The following DNAH17 variants were observed in gnomAD, a reference collection of about 807,000 sequenced individuals.
The protein encoded by DNAH17 is axonemal beta dynein heavy chain 17.
In DNAH17, 376 loss-of-function variants were observed where a neutral mutation model predicts 485.6. That is an observed-to-expected ratio of 0.77 (90% CI 0.71 to 0.84). The LOEUF is 0.84. DNAH17 is among the 40% of genes least tolerant of loss of function. The pLI is 0.00. For synonymous variants in DNAH17, 3,031 were observed against 2,405.9 expected (o/e 1.26, Z -7.60); for missense variants, 6,370 against 5,839.3 (o/e 1.09, Z -2.96).
Position 78,566,681 on chromosome 17 carries a change from T to A in DNAH17, c.1502A>T (p.Asp501Val). 2 of 1,610,766 alleles carry A rather than the reference T, an allele frequency of 1.2e-6. No homozygotes were observed. The highest frequency in any genetic ancestry group is 1.7e-6 in the Non-Finnish European group (2 of 1,178,574). The change falls in exon 11 of 81, where the codon GAT becomes GTT. Residue 501 changes from aspartate to valine, a missense_variant. Physicochemically the swap from Asp to Val is radical, Grantham distance 152. Transcript: ENST00000389840. ...GCAAAAGATCGTGGCCAGCCTCCTA[T>A]CCAGGTCTTGGATTTTGATCTCAAA... is the stretch of plus-strand genomic sequence containing the variant. The part of the protein sequence containing the change: ...ADFEIKIQDL[D>V]RRLATIFCQG...
rs1275902574 is a variant in DNAH17, at chr17:78,571,611, G to A, written c.711C>T (p.Asn237=). The change falls in exon 4 of 81, where the codon AAC becomes AAT. Residue 237 remains asparagine (N), a synonymous_variant. Coordinates refer to ENST00000389840, the MANE Select transcript of DNAH17 (RefSeq NM_173628.4). ...GTACCTGTTCATGGATGCACTTGAG[G>A]TTCAGCAGCCGAGTGTCCCAGAACT... ...EFEFWDTRLL[N]LKCIHEQLNR... The A allele has an allele frequency of 1.2e-6, 2 of 1,613,964 alleles. No individual in the cohort carries two copies. The highest frequency in any genetic ancestry group is 2.7e-5 in the African/African-American group (2 of 75,056).
chr17:78,492,574 C>A (rs1308064145), intron 42 of DNAH17, 59 bp downstream of exon 42: 2 of 1,594,294 alleles, frequency 1.3e-6, no homozygotes, highest in African/African-American at 1.3e-5. Context: ...GCTGAGCACA[C>A]GCTCACTGCA....
chr17:78,439,552 T>C (rs145558959), intron 72 of DNAH17, among the ~76,000 whole-genome samples: 3 of 152,268 alleles, frequency 2.0e-5, no homozygotes, highest in Admixed American at 1.3e-4. Context: ...TTATCCATTC[T>C]GGATATTTCA....
At position 78,552,696 on chromosome 17, in the gene DNAH17, C is replaced by A; in HGVS notation, c.2287+1G>T. 6.2e-7 allele frequency: 1 copy of A among 1,612,176 alleles called. No homozygotes were observed. The highest frequency in any genetic ancestry group is 8.5e-7 in the Non-Finnish European group (1 of 1,178,234). The stretch of plus-strand genomic sequence containing the variant: ...ATGTGGGAGGAATGTGGCCTCCGTA[C>A]CTTCGCCATTCCAGAATAATGTCGT... On this transcript the variant is annotated splice_donor_variant, in intron 15 of 80. Transcript: ENST00000389840. LOFTEE classifies it high-confidence loss of function.
intron 17 of DNAH17, among the ~76,000 whole-genome samples, chr17:78,541,640 G>A (rs981806031): frequency 6.6e-6 from 1 of 151,998 alleles, no homozygotes; most frequent in Admixed American, 6.5e-5. Context: ...CACAGTTGGG[G>A]AACAGAATAG....
rs1464330145 is a variant in DNAH17, at chr17:78,507,642, T to TG, written c.4399dup (p.His1467ProfsTer25). 1 of 1,614,074 alleles carries TG rather than the reference T, an allele frequency of 6.2e-7. No homozygotes were observed. Among genetic ancestry groups the TG allele is most frequent in the Non-Finnish European group, 8.5e-7 (1 of 1,180,016 alleles). On this transcript the variant is annotated frameshift_variant, in exon 28 of 81. Transcript: ENST00000389840. LOFTEE classifies it high-confidence loss of function. ...CCAGCTTGTCACCTCCTTCAGGAAG[T>TG]GGGCCAGGTACTTGGACATCATCAG... is the stretch of plus-strand genomic sequence containing the variant.
At chr17:78,435,796 G>C (rs1183066224) in intron 74 of DNAH17, among the ~76,000 whole-genome samples, 1 of 152,178 alleles carries the variant, frequency 6.6e-6, no homozygotes, top group East Asian at 1.9e-4. Flanking sequence ...TGGCCCCATA[G>C]CACCGTGTGT....
At chr17:78,534,365 G>C (rs1376310306) in intron 19 of DNAH17, among the ~76,000 whole-genome samples, 1 of 152,040 alleles carries the variant, frequency 6.6e-6, no homozygotes, top group East Asian at 1.9e-4. Flanking sequence ...GGCTGGGATG[G>C]AAGGGGAAGG....
At chr17:78,476,764 C>A in intron 51 of DNAH17, 31 bp from the exon 52 acceptor site, 1 of 1,603,506 alleles carries the variant, frequency 6.2e-7, no homozygotes, top group South Asian at 1.1e-5. Flanking sequence ...TCAGCACCGT[C>A]AGCTGTTACG....
chr17:78,576,979 C>T (rs551660712), intron 1 of DNAH17, among the ~76,000 whole-genome samples: 2 of 152,312 alleles, frequency 1.3e-5, no homozygotes, highest in East Asian at 3.9e-4. Context: ...GGAGGTGGCC[C>T]ATGCCCCAGG....
chr17:78,479,321 G>A (rs2089245524), intron 50 of DNAH17, among the ~76,000 whole-genome samples, 164 bp downstream of exon 50: 1 of 152,096 alleles, frequency 6.6e-6, no homozygotes, highest in Admixed American at 6.5e-5. Context: ...TCCCCATGAA[G>A]CAATTGTATT....
intron 25 of DNAH17, among the ~76,000 whole-genome samples, chr17:78,515,413 A>T (rs2090754640): frequency 6.6e-6 from 1 of 152,128 alleles, no homozygotes; most frequent in Non-Finnish European, 1.5e-5. Flanking sequence ...GGAGGCTGAG[A>T]CAGGAGAATC....
At chr17:78,551,443 G>A (rs2091899405) in intron 16 of DNAH17, 92 bp downstream of exon 16, 1 of 1,167,656 alleles carries the variant, frequency 8.6e-7, no homozygotes, top group Admixed American at 2.0e-5. Context: ...ACACATCGCA[G>A]CACTTTCCAT....
chr17:78,466,708 C>G lies in DNAH17; in HGVS notation c.8887G>C (p.Asp2963His), dbSNP rs763592798. 6.2e-7 allele frequency: 1 copy of G among 1,612,674 alleles called. No homozygotes were observed. Among genetic ancestry groups the G allele is most frequent in the South Asian group, 1.1e-5 (1 of 90,912 alleles). ...AIDWFHEWPE[D>H]ALVSVSARFL... is the part of the protein sequence containing the mutation. ...CGGGCGCTGACGGACACCAGCGCAT[C>G]TTCCGGCCACTCGTGGAACCAGTCG... Residue 2963 changes from aspartate (D) to histidine (H), a missense_variant, in exon 56 of 81, where the codon GAT (aspartate) becomes CAT (histidine). By Grantham distance (81) the Asp-to-His change is moderately conservative (BLOSUM62 -1). Transcript: ENST00000389840.
At chr17:78,570,791 G>A (rs2092341030) in intron 6 of DNAH17, among the ~76,000 whole-genome samples, 157 bp downstream of exon 6, 1 of 144,030 alleles carries the variant, frequency 6.9e-6, no homozygotes, top group Non-Finnish European at 1.5e-5. Flanking sequence ...CAGGGAGTTG[G>A]AGGTTGCAGT....
In DNAH17 at chr17:78,507,458, C is replaced by A; in HGVS notation, c.4584G>T (p.Lys1528Asn). The A allele has an allele frequency of 6.2e-7, 1 of 1,612,352 alleles. No homozygotes were observed. The highest frequency in any genetic ancestry group is 8.5e-7 in the Non-Finnish European group (1 of 1,178,390). Residue 1528 changes from lysine to asparagine, a missense_variant and splice_region_variant, in exon 28 of 81, where the codon AAG becomes AAT. By Grantham distance (94) the Lys-to-Asn change is moderately conservative. Transcript: ENST00000389840. The part of the protein sequence containing the change: ...QRFDDINQEF[K>N]ALMEDAVKTP... The stretch of plus-strand genomic sequence containing the variant: ...GTGGGAACCACCGGGCTGTGCTCAC[C>A]TTGAATTCCTGGTTGATGTCGTCAA...
Position 78,569,162 on chromosome 17 carries a change from T to A in DNAH17, c.1284+4A>T. On this transcript the variant is annotated splice_donor_region_variant and intron_variant, in intron 9 of 80. Coordinates refer to ENST00000389840, the MANE Select transcript of DNAH17 (RefSeq NM_173628.4). ...GGTCAAGATGCACCGAGTTCTGTTT[T>A]TACCTCAATGGTCTGGATGCGCTGG... 1 of 1,594,270 alleles carries A rather than the reference T, an allele frequency of 6.3e-7. No individual in the cohort carries two copies. The highest frequency in any genetic ancestry group is 8.5e-7 in the Non-Finnish European group (1 of 1,169,960).
intron 74 of DNAH17, among the ~76,000 whole-genome samples, chr17:78,437,137 G>A (rs1416324410): frequency 6.6e-6 from 1 of 152,188 alleles, no homozygotes; most frequent in Non-Finnish European, 1.5e-5. Context: ...CTGATGGTGG[G>A]TCAGAGGGGG....
At chr17:78,566,812 A>T in intron 10 of DNAH17, 82 bp from the exon 11 acceptor site, 1 of 1,344,824 alleles carries the variant, frequency 7.4e-7, no homozygotes. Flanking sequence ...TGCCCTGCTG[A>T]GAGGACTCGG....
Sources: gnomAD v4.1 joint callset for allele counts (sites outside exome capture counted in the v4.1 genomes callset) on GRCh38, gnomAD v4.1.1 for gene constraint, MANE v1.5 for transcripts, NCBI Gene and HGNC (gene_info 2026-07-23, HGNC 2026-07-21) for gene names.